SDK1: variants seen among roughly 807,000 people sequenced by gnomAD.
SDK1 encodes protein sidekick-1.
In SDK1, 157 loss-of-function variants were observed where a neutral mutation model predicts 245.5. The ratio of observed to expected loss-of-function variants is 0.64; its 90% CI spans 0.56 to 0.73. SDK1 has a LOEUF of 0.73. Among genes scored for constraint, SDK1 ranks in the 30% least tolerant of loss-of-function variants. The pLI is 0.00. For synonymous variants in SDK1, 1,647 were observed against 1,278.5 expected (o/e 1.29, Z -6.15); for missense variants, 3,583 against 3,002.3 (o/e 1.19, Z -4.52).
intron 1 of SDK1, among the ~76,000 whole-genome samples, chr7:3,440,674 TCTTGA>T (rs1780169039): frequency 6.6e-6 from 1 of 152,166 alleles, no homozygotes. Flanking sequence ...AGGTGAACGT[TCTTGA>T]CTTAAGAAGG....
At chr7:4,227,263 C>G in intron 40 of SDK1, 1 of 415,154 alleles carries the variant, frequency 2.4e-6, no homozygotes, top group South Asian at 1.9e-5. Context: ...TGCTGCTTGT[C>G]TTTCTCATAA....
At chr7:3,568,290 A>G (rs1345133473) in intron 1 of SDK1, among the ~76,000 whole-genome samples, 1 of 152,194 alleles carries the variant, frequency 6.6e-6, no homozygotes, top group African/African-American at 2.4e-5. Context: ...TACTTTAGGT[A>G]ACTGATATAC....
chr7:3,879,452 A>C (rs1781152729), intron 5 of SDK1, among the ~76,000 whole-genome samples: 1 of 152,158 alleles, frequency 6.6e-6, no homozygotes, highest in Non-Finnish European at 1.5e-5. Flanking sequence ...CCCTGATGTC[A>C]GAACTCCCTG....
At chr7:4,048,985 A>C (rs1183775819) in intron 17 of SDK1, among the ~76,000 whole-genome samples, 1 of 151,928 alleles carries the variant, frequency 6.6e-6, no homozygotes, top group Non-Finnish European at 1.5e-5. Flanking sequence ...TTGAGGGAGG[A>C]TTTCTAGATG....
At chr7:3,895,826 T>G (rs1429664169) in intron 5 of SDK1, among the ~76,000 whole-genome samples, 1 of 152,210 alleles carries the variant, frequency 6.6e-6, no homozygotes, top group African/African-American at 2.4e-5. Context: ...CCCTTTGCAT[T>G]TTCTCCTTTC....
intron 28 of SDK1, among the ~76,000 whole-genome samples, chr7:4,145,220 G>T (rs1779877859): frequency 6.6e-6 from 1 of 152,154 alleles, no homozygotes; most frequent in Non-Finnish European, 1.5e-5. Flanking sequence ...GGAGGGAGCT[G>T]GGGGGTCAGA....
At chr7:3,609,101 A>G (rs908573949) in intron 1 of SDK1, among the ~76,000 whole-genome samples, 2 of 152,232 alleles carry the variant, frequency 1.3e-5, no homozygotes, top group Non-Finnish European at 2.9e-5. Flanking sequence ...TTTTTCATAA[A>G]TGTCTTTTGT....
intron 1 of SDK1, among the ~76,000 whole-genome samples, chr7:3,331,760 T>C (rs966033212): frequency 6.6e-6 from 1 of 152,176 alleles, no homozygotes; most frequent in African/African-American, 2.4e-5. Flanking sequence ...TTTTTTTTGA[T>C]CTCAATCACT....
intron 5 of SDK1, among the ~76,000 whole-genome samples, chr7:3,885,874 G>A (rs545864297): frequency 7.9e-5 from 12 of 152,272 alleles, no homozygotes; most frequent in South Asian, 6.2e-4. Context: ...TGGAGATGCC[G>A]GAGAAAAGTA....
intron 4 of SDK1, among the ~76,000 whole-genome samples, chr7:3,782,578 C>A (rs1311139537): frequency 6.6e-6 from 1 of 152,144 alleles, no homozygotes; most frequent in Non-Finnish European, 1.5e-5. Flanking sequence ...ATAAGAAACA[C>A]TTCGTATACA....
At chr7:3,456,743 C>T (rs553979251) in intron 1 of SDK1, among the ~76,000 whole-genome samples, 20 of 152,154 alleles carry the variant, frequency 1.3e-4, no homozygotes, top group Middle Eastern at 3.4e-3. Context: ...AGTTGTGATT[C>T]CCCTAGGTTT....
At chr7:4,134,512 T>C (rs142276049) in intron 28 of SDK1, among the ~76,000 whole-genome samples, 169 of 152,330 alleles carry the variant, frequency 1.1e-3, no homozygotes, top group African/African-American at 3.9e-3. Flanking sequence ...ATCAGCCTTT[T>C]CTGGAACAAG....
intron 1 of SDK1, among the ~76,000 whole-genome samples, chr7:3,351,222 A>G (rs1780651343): frequency 6.6e-6 from 1 of 152,152 alleles, no homozygotes; most frequent in African/African-American, 2.4e-5. Flanking sequence ...TAAAGATTTT[A>G]TGTCCTATGT....
rs375010564 is a variant in SDK1 at position 4,260,463 on chromosome 7, T to C, written c.6382-4661T>C. On this transcript the variant is annotated intron_variant, in intron 44 of 44. Coordinates refer to ENST00000404826, the MANE Select transcript of SDK1 (RefSeq NM_152744.4). ...TGGAGAAGCTGGCTGCTCCGGGGTCTCTGTGTGTGTGGGAAGATGTGTTCA... is the reference window on the plus strand; with the variant it reads ...TGGAGAAGCTGGCTGCTCCGGGGTCCCTGTGTGTGTGGGAAGATGTGTTCA... Among the ~76,000 whole-genome samples the C allele has an allele frequency of 4.2e-3, 590 of 138,852 alleles. 5 individuals are homozygous for C. Among genetic ancestry groups the C allele is most frequent in the African/African-American group, 0.016 (562 of 35,624 alleles). 91.1% of individuals were successfully genotyped at this position (138,852 alleles called of 152,430 possible).
At chr7:3,922,441 G>T (rs961940015) in intron 5 of SDK1, among the ~76,000 whole-genome samples, 1 of 152,196 alleles carries the variant, frequency 6.6e-6, no homozygotes, top group Non-Finnish European at 1.5e-5. Context: ...AGGGCTGGTC[G>T]TGAGATGTTC....
At chr7:3,555,301 T>C (rs1468152345) in intron 1 of SDK1, among the ~76,000 whole-genome samples, 1 of 152,190 alleles carries the variant, frequency 6.6e-6, no homozygotes, top group African/African-American at 2.4e-5. Context: ...AACTCACTTT[T>C]GACAAAGGTG....
intron 4 of SDK1, among the ~76,000 whole-genome samples, chr7:3,799,134 C>G (rs1476748849): frequency 6.6e-6 from 1 of 152,180 alleles, no homozygotes; most frequent in African/African-American, 2.4e-5. Context: ...TTCTTCTCCT[C>G]TTTAAAAAAT....
At chr7:3,418,393 C>A (rs998524853) in intron 1 of SDK1, among the ~76,000 whole-genome samples, 2 of 152,128 alleles carry the variant, frequency 1.3e-5, no homozygotes, top group African/African-American at 4.8e-5. Flanking sequence ...ATATTCACTT[C>A]ACTGCAAAGA....
intron 16 of SDK1, among the ~76,000 whole-genome samples, chr7:4,015,417 C>G (rs1371935087): frequency 3.3e-5 from 5 of 152,310 alleles, no homozygotes; most frequent in Non-Finnish European, 7.4e-5. Context: ...GGTGTGGGCA[C>G]AGAGCCAGTT....
Sources: gnomAD v4.1 joint callset for allele counts (sites outside exome capture counted in the v4.1 genomes callset) on GRCh38, gnomAD v4.1.1 for gene constraint, MANE v1.5 for transcripts, NCBI Gene and HGNC (gene_info 2026-07-23, HGNC 2026-07-21) for gene names.